The following TANGO6 variants were observed in gnomAD, a reference collection of about 807,000 sequenced individuals.
TANGO6 encodes transport and golgi organization 6 homolog.
In TANGO6, 90 loss-of-function variants were observed where a neutral mutation model predicts 114.2. The ratio of observed to expected loss-of-function variants is 0.79; its 90% confidence interval spans 0.66 to 0.94. The LOEUF is 0.94. Ranked by LOEUF, TANGO6 falls within the 40% of genes least tolerant of loss-of-function variation. The pLI is 0.00. For missense variants in TANGO6, 1,274 were observed against 1,315.3 expected (o/e 0.97, Z 0.49); for synonymous variants, 477 against 509.8 (o/e 0.94, Z 0.87).
chr16:69,076,733 C>T (rs1960385638), intron 17 of TANGO6, among the ~76,000 whole-genome samples: 1 of 152,114 alleles, frequency 6.6e-6, no homozygotes, highest in Admixed American at 6.6e-5. Flanking sequence ...TGTTGCCCTC[C>T]CCCATATGGT....
intron 5 of TANGO6, among the ~76,000 whole-genome samples, chr16:68,877,414 G>T (rs1342804121): frequency 6.7e-6 from 1 of 148,508 alleles, no homozygotes; most frequent in Non-Finnish European, 1.5e-5. Context: ...GTTGCAGTGA[G>T]CCGAGATTGC....
chr16:69,005,387 C>T (rs1360128797), intron 15 of TANGO6, among the ~76,000 whole-genome samples: 1 of 152,208 alleles, frequency 6.6e-6, no homozygotes, highest in Non-Finnish European at 1.5e-5. Flanking sequence ...GTGCTCCCAT[C>T]TGGGGCACCC....
At chr16:68,962,827 A>C (rs1963606655) in intron 14 of TANGO6, among the ~76,000 whole-genome samples, 1 of 151,914 alleles carries the variant, frequency 6.6e-6, no homozygotes. Context: ...CATGCCTGTA[A>C]TCCCAGCACT....
intron 17 of TANGO6, among the ~76,000 whole-genome samples, chr16:69,075,920 G>A (rs1383912032): frequency 4.0e-5 from 6 of 151,046 alleles, no homozygotes; most frequent in South Asian, 2.1e-4. Flanking sequence ...GTGCACCACC[G>A]TGCCCAGCTA....
intron 17 of TANGO6, among the ~76,000 whole-genome samples, chr16:69,040,965 A>G (rs373023254): frequency 6.6e-6 from 1 of 151,946 alleles, no homozygotes; most frequent in Non-Finnish European, 1.5e-5. Context: ...TATATATATA[A>G]AAAACCATAT....
At chr16:68,993,043 G>A (rs796754088) in intron 15 of TANGO6, among the ~76,000 whole-genome samples, 1 of 151,888 alleles carries the variant, frequency 6.6e-6, no homozygotes, top group South Asian at 2.1e-4. Flanking sequence ...ACTCCAGCCC[G>A]GGTGACAGAG....
chr16:68,973,120 C>G (rs1370098689), intron 14 of TANGO6: 1 of 455,884 alleles, frequency 2.2e-6, no homozygotes. Flanking sequence ...AACCAAATAG[C>G]TCCATCTGCA....
chr16:69,046,942 A>G (rs377748444), intron 17 of TANGO6, among the ~76,000 whole-genome samples: 7 of 152,090 alleles, frequency 4.6e-5, no homozygotes, highest in East Asian at 1.9e-4. Flanking sequence ...TTTGTTTGGG[A>G]GGCTGAGATG....
intron 7 of TANGO6, among the ~76,000 whole-genome samples, 182 bp downstream of exon 7, chr16:68,880,812 G>T (rs573547711): frequency 2.0e-5 from 3 of 151,660 alleles, no homozygotes; most frequent in Non-Finnish European, 2.9e-5. Flanking sequence ...GGTGTGAGCC[G>T]CTGCTCCCAG....
chr16:68,980,173 T>C (rs756222694), intron 15 of TANGO6, among the ~76,000 whole-genome samples: 2 of 151,910 alleles, frequency 1.3e-5, no homozygotes, highest in African/African-American at 4.8e-5. Context: ...AAAAGTTTTA[T>C]GTATTTAAAG....
At chr16:69,037,166 T>A in intron 16 of TANGO6, among the ~76,000 whole-genome samples, 1 of 149,776 alleles carries the variant, frequency 6.7e-6, no homozygotes, top group South Asian at 2.1e-4. Context: ...AGAATTGCCC[T>A]TGAAGGGAAA....
intron 15 of TANGO6, among the ~76,000 whole-genome samples, chr16:69,000,004 TG>T (rs1964025547): frequency 6.6e-6 from 1 of 152,196 alleles, no homozygotes; most frequent in Admixed American, 6.5e-5. Flanking sequence ...ACAAGACAAT[TG>T]TCTGTGGATG....
At chr16:69,046,211 A>C (rs1270705928) in intron 17 of TANGO6, among the ~76,000 whole-genome samples, 1 of 152,222 alleles carries the variant, frequency 6.6e-6, no homozygotes, top group Admixed American at 6.5e-5. Context: ...ACCCAATATA[A>C]GTTACTCAAT....
chr16:69,010,024 T>C lies in TANGO6; in HGVS notation c.2843-12804T>C, dbSNP rs905616198. Among the ~76,000 whole-genome samples, 48 of 152,210 alleles carry C rather than the reference T, an allele frequency of 3.2e-4. 1 individual carries two copies. Among genetic ancestry groups the C allele is most frequent in the African/African-American group, 8.9e-4 (37 of 41,460 alleles). ...TGACCTGATTCCTCTATGACTGTTATAGAGAAAGACTTTCTCTTGCCAAAG... is the reference window on the plus strand; with the variant it reads ...TGACCTGATTCCTCTATGACTGTTACAGAGAAAGACTTTCTCTTGCCAAAG... On this transcript the variant is annotated intron_variant, in intron 15 of 17. Coordinates refer to ENST00000261778, the MANE Select transcript of TANGO6 (RefSeq NM_024562.2).
chr16:69,080,871 G>T (rs1186479387), intron 17 of TANGO6, among the ~76,000 whole-genome samples: 1 of 152,180 alleles, frequency 6.6e-6, no homozygotes, highest in East Asian at 1.9e-4. Flanking sequence ...GGGCGCGGTG[G>T]CTCACGCCTA....
chr16:69,032,617 A>G (rs1425812052), intron 16 of TANGO6, among the ~76,000 whole-genome samples: 1 of 152,082 alleles, frequency 6.6e-6, no homozygotes, highest in Non-Finnish European at 1.5e-5. Context: ...GGTGGCTCAC[A>G]CCTGTAATCC....
intron 14 of TANGO6, among the ~76,000 whole-genome samples, chr16:68,943,525 T>C (rs920781524): frequency 1.3e-5 from 2 of 152,000 alleles, no homozygotes; most frequent in East Asian, 1.9e-4. Flanking sequence ...CACCACGCAC[T>C]GGCTAATTTT....
rs565188309 is a variant in TANGO6 at position 69,084,605 on chromosome 16, C to G, written c.*944C>G. 1 of 152,384 alleles carries G rather than the reference C, an allele frequency of 6.6e-6. No individual in the cohort carries two copies. The highest frequency in any genetic ancestry group is 1.5e-5 in the Non-Finnish European group (1 of 68,028). The allele number at this position is 152,384 out of a possible 1,614,324, so 9.4% of individuals were successfully genotyped here. ...ACTTTATTTCTTTATATGTTTTGGC[C>G]GCTGCATTTTGATTGCAGCTAAAAG... On this transcript the variant is annotated 3_prime_UTR_variant, in exon 18 of 18. Coordinates refer to ENST00000261778, the MANE Select transcript of TANGO6 (RefSeq NM_024562.2).
intron 17 of TANGO6, among the ~76,000 whole-genome samples, chr16:69,045,739 T>A (rs1223047578): frequency 6.9e-6 from 1 of 144,436 alleles, no homozygotes; most frequent in African/African-American, 2.6e-5. Flanking sequence ...CAAGACTCCA[T>A]CTCAAAAGAA....
Sources: gnomAD v4.1 joint callset for allele counts (sites outside exome capture counted in the v4.1 genomes callset) on GRCh38, gnomAD v4.1.1 for gene constraint, MANE v1.5 for transcripts, NCBI Gene and HGNC (gene_info 2026-07-23, HGNC 2026-07-21) for gene names.